The following HIVEP1 variants were observed in gnomAD, a reference collection of about 807,000 sequenced individuals.
The protein encoded by HIVEP1 is HIVEP zinc finger 1.
In HIVEP1, 36 loss-of-function variants were observed where a neutral mutation model predicts 180.0. That is an observed-to-expected ratio of 0.20 (90% CI 0.15 to 0.26). The LOEUF (loss-of-function observed/expected upper bound fraction) is 0.26. HIVEP1 is among the 10% of genes least tolerant of loss of function. The probability of loss-of-function intolerance (pLI) is 1.00; values close to 1 mark genes in which losing one functional copy is unlikely to be tolerated. For missense variants in HIVEP1, 3,143 were observed against 3,268.7 expected (o/e 0.96, Z 0.94); for synonymous variants, 1,239 against 1,239.0 (o/e 1.00, Z 0.00).
At chr6:12,080,317 A>G (rs770692741) in intron 2 of HIVEP1, among the ~76,000 whole-genome samples, 2 of 152,182 alleles carry the variant, frequency 1.3e-5, no homozygotes, top group Non-Finnish European at 2.9e-5. Context: ...CAACCATAAA[A>G]GACAGTGGTC....
chr6:12,091,148 G>A (rs1773449063), intron 3 of HIVEP1, among the ~76,000 whole-genome samples: 2 of 152,062 alleles, frequency 1.3e-5, no homozygotes, highest in Non-Finnish European at 1.5e-5. Context: ...TAACAGTGGT[G>A]TTGAGATTTT....
intron 7 of HIVEP1, 49 bp from the exon 8 acceptor site, chr6:12,161,390 G>A (rs748660080): frequency 2.6e-6 from 4 of 1,550,398 alleles, no homozygotes; most frequent in Non-Finnish European, 1.7e-6. Flanking sequence ...AATAGCACTT[G>A]TGCACTTGGA....
In HIVEP1 at chr6:12,043,647, G is replaced by A. The variant is rs141468734; in HGVS notation, c.40+27979G>A. 2.9e-3 allele frequency among the ~76,000 whole-genome samples: 443 copies of A among 152,248 alleles called. 2 individuals carry two copies. Among genetic ancestry groups the A allele is most frequent in the African/African-American group, 1.0e-2 (415 of 41,548 alleles). On this transcript the variant is annotated intron_variant, in intron 2 of 8. Transcript: ENST00000379388. ...CTCCCAAAGTGCTGGGATTACAGGC[G>A]TGAGGCACCGTGCCCAGCCGTGTAA...
At chr6:12,109,184 G>A (rs1774718392) in intron 3 of HIVEP1, among the ~76,000 whole-genome samples, 1 of 151,846 alleles carries the variant, frequency 6.6e-6, no homozygotes, top group African/African-American at 2.4e-5. Context: ...TAGTAGAGAC[G>A]GGATTTCACC....
chr6:12,151,476 G>A (rs1363930491), intron 7 of HIVEP1, among the ~76,000 whole-genome samples: 1 of 152,164 alleles, frequency 6.6e-6, no homozygotes, highest in Non-Finnish European at 1.5e-5. Context: ...GAGAAAGTCA[G>A]TGTATCTTAT....
intron 2 of HIVEP1, among the ~76,000 whole-genome samples, chr6:12,050,135 C>T (rs953909678): frequency 6.6e-6 from 1 of 152,178 alleles, no homozygotes; most frequent in African/African-American, 2.4e-5. Flanking sequence ...CAGGCACCTA[C>T]TCCGCCAGCC....
chr6:12,075,277 C>T (rs1278969497), intron 2 of HIVEP1, among the ~76,000 whole-genome samples: 1 of 152,232 alleles, frequency 6.6e-6, no homozygotes, highest in Admixed American at 6.5e-5. Context: ...TTGACCCTAT[C>T]TCCCAATCCC....
At chr6:12,017,080 A>G (rs1329774921) in intron 2 of HIVEP1, among the ~76,000 whole-genome samples, 1 of 152,250 alleles carries the variant, frequency 6.6e-6, no homozygotes, top group Non-Finnish European at 1.5e-5. Context: ...ATTAGGCCAT[A>G]AGTATTAAAC....
At chr6:12,176,463 C>A in the HIVEP1 span, among the ~76,000 whole-genome samples, 1 of 152,166 alleles carries the variant, frequency 6.6e-6, no homozygotes, top group African/African-American at 2.4e-5. Flanking sequence ...AACTCCTGAC[C>A]TCAGGTGATC....
chr6:12,121,762 A>G lies in HIVEP1; in HGVS notation c.1967A>G (p.Gln656Arg), dbSNP rs767968913. The part of the protein sequence containing the change: ...LQRQQATDYS[Q>R]EQQGKLLSPR... The stretch of plus-strand genomic sequence containing the variant: ...AGGCAGCAGGCTACCGATTACTCCC[A>G]AGAGCAGCAAGGAAAGCTCCTGAGT... Residue 656 changes from glutamine (Q) to arginine (R), a missense_variant, in exon 4 of 9, where the codon CAA becomes CGA. Around this residue, in one of 12 missense-constraint regions of HIVEP1, gnomAD observed 365 missense variants for 344.4 expected, o/e 1.06. Transcript: ENST00000379388. This position sits in a 1 kb window ranked among gnomAD's most constrained non-coding sequence, Gnocchi z 5.3. 6 of 1,614,050 alleles carry G rather than the reference A, an allele frequency of 3.7e-6. No individual in the cohort carries two copies. The Admixed American group carries it at 8.3e-5, about 22-fold the overall frequency.
At chr6:12,179,616 C>T in the HIVEP1 span, among the ~76,000 whole-genome samples, 1 of 152,310 alleles carries the variant, frequency 6.6e-6, no homozygotes, top group East Asian at 1.9e-4. Flanking sequence ...ACACAAGGAG[C>T]TCAAGGCCAA....
chr6:12,202,838 A>T, the HIVEP1 span, among the ~76,000 whole-genome samples: 1 of 152,188 alleles, frequency 6.6e-6, no homozygotes, highest in East Asian at 1.9e-4. Context: ...GTGTCAGAAG[A>T]GTTACAGTCA....
intron 2 of HIVEP1, among the ~76,000 whole-genome samples, chr6:12,064,712 A>C (rs955250612): frequency 9.2e-5 from 14 of 152,094 alleles, no homozygotes; most frequent in Admixed American, 3.3e-4. Flanking sequence ...AGCTTCATGG[A>C]GTTTTCATTT....
Position 12,135,788 on chromosome 6 carries a change from A to T in HIVEP1, c.6386-3A>T. On this transcript the variant is annotated splice_polypyrimidine_tract_variant and splice_region_variant and intron_variant, in intron 6 of 8. Transcript: ENST00000379388. ...AGCTTAGTAAACATTCTTTTCCCTT[A>T]AGGAAATCTGACAAAACACATGAAG... 6.3e-7 allele frequency: 1 copy of T among 1,594,472 alleles called. No homozygotes were observed. The highest frequency in any genetic ancestry group is 8.6e-7 in the Non-Finnish European group (1 of 1,163,036).
Position 12,163,988 on chromosome 6 carries a change from G to A in HIVEP1, c.7684G>A (p.Ala2562Thr), listed in dbSNP as rs953163678. 18 of 1,613,932 alleles carry A rather than the reference G, an allele frequency of 1.1e-5. No individual in the cohort carries two copies. Among genetic ancestry groups the A allele is most frequent in the African/African-American group, 8.0e-5 (6 of 74,878 alleles). ...PTLIPSVSQV[A>T]VDAQGAPEMP... Reference sequence around the variant, plus strand: ...CTTAATCCCCTCAGTCAGTCAAGTAGCCGTTGATGCACAGGGAGCTCCAGA... The same window carrying A: ...CTTAATCCCCTCAGTCAGTCAAGTAACCGTTGATGCACAGGGAGCTCCAGA... Residue 2562 changes from alanine to threonine, a missense_variant, in exon 9 of 9, where the codon GCC becomes ACC. This residue lies in a region of HIVEP1 where 595 missense variants were observed against 602.2 expected (regional missense o/e 0.99). Transcript: ENST00000379388.
At chr6:12,102,677 A>C (rs1774180515) in intron 3 of HIVEP1, among the ~76,000 whole-genome samples, 1 of 152,258 alleles carries the variant, frequency 6.6e-6, no homozygotes, top group African/African-American at 2.4e-5. Context: ...AGCTTGATGT[A>C]CAACTACAAT....
chr6:12,201,143 A>G, the HIVEP1 span, among the ~76,000 whole-genome samples: 2 of 152,228 alleles, frequency 1.3e-5, no homozygotes, highest in Admixed American at 6.5e-5. Flanking sequence ...ATTTTCAAAC[A>G]CATGCTTTTC....
chr6:12,033,650 A>G (rs1406964637), intron 2 of HIVEP1, among the ~76,000 whole-genome samples: 1 of 152,188 alleles, frequency 6.6e-6, no homozygotes, highest in Non-Finnish European at 1.5e-5. Context: ...AACCCTCTTA[A>G]TAATACTATA....
intron 7 of HIVEP1, among the ~76,000 whole-genome samples, chr6:12,143,564 G>C (rs770837352): frequency 1.4e-4 from 22 of 152,264 alleles, no homozygotes; most frequent in Admixed American, 4.6e-4. Flanking sequence ...AGAAATAAAG[G>C]GTGTTCAATT....
Sources: gnomAD v4.1 joint callset for allele counts (sites outside exome capture counted in the v4.1 genomes callset) on GRCh38, gnomAD v4.1.1 for gene constraint, gnomAD v4.1.1 regional missense constraint, Gnocchi (gnomAD v3.1) non-coding constraint, MANE v1.5 for transcripts, NCBI Gene and HGNC (gene_info 2026-07-23, HGNC 2026-07-21) for gene names.